TOPORS: variants seen among roughly 807,000 people sequenced by gnomAD.
The protein encoded by TOPORS is E3 ubiquitin-protein ligase Topors.
Under a neutral mutation model 81.4 loss-of-function variants are expected in TOPORS, and 25 were observed. That is an observed-to-expected ratio of 0.31 (90% CI 0.22 to 0.43). The LOEUF is 0.43. Ranked by LOEUF, TOPORS falls within the 20% of genes least tolerant of loss-of-function variation. The pLI, the probability that TOPORS is intolerant of heterozygous loss-of-function variation, is 1.00. For synonymous variants in TOPORS, 473 were observed against 456.6 expected, an observed-to-expected ratio of 1.04 and a Z score of -0.46; for missense variants, 1,101 against 1,267.0, an observed-to-expected ratio of 0.87 and a Z score of 1.99.
At chr9:32,548,627 A>G (rs1821175087) in intron 2 of TOPORS, among the ~76,000 whole-genome samples, 1 of 152,224 alleles carries the variant, frequency 6.6e-6, no homozygotes, top group Non-Finnish European at 1.5e-5. Context: ...ACAGTGCTTC[A>G]GGTTCTGTAA....
In TOPORS at chr9:32,552,451, G is replaced by A. The variant is rs1381709057; in HGVS notation, c.-15C>T. The A allele has an allele frequency of 2.5e-6, 4 of 1,604,686 alleles. No individual in the cohort carries two copies. The highest frequency in any genetic ancestry group is 3.4e-6 in the Non-Finnish European group (4 of 1,175,970). The stretch of plus-strand genomic sequence containing the variant: ...CTCCTTACCATGAAGCCAGTAAGTC[G>A]TCGCACGCTGGACTGGATTTATTCA... On this transcript the variant is annotated 5_prime_UTR_variant, in exon 1 of 3. The change creates a new upstream start codon in the 5' untranslated region. Transcript: ENST00000360538.
intron 2 of TOPORS, among the ~76,000 whole-genome samples, chr9:32,547,912 AGCTC>A (rs1247523096): frequency 6.6e-6 from 1 of 151,630 alleles, no homozygotes; most frequent in East Asian, 1.9e-4. Context: ...GCTCACTGCA[AGCTC>A]CGCCTCCCGG....
intron 2 of TOPORS, among the ~76,000 whole-genome samples, chr9:32,549,135 G>A (rs1156908582): frequency 1.3e-5 from 2 of 151,976 alleles, no homozygotes; most frequent in Admixed American, 6.6e-5. Context: ...CGGTGAAACC[G>A]TCTCTACTAA....
intron 2 of TOPORS, among the ~76,000 whole-genome samples, chr9:32,547,062 C>T (rs1821149658): frequency 1.3e-5 from 2 of 152,106 alleles, no homozygotes; most frequent in East Asian, 1.9e-4. Flanking sequence ...AACAAACAAA[C>T]AGTCTTCATC....
chr9:32,552,126 T>C (rs1465655441), intron 1 of TOPORS: 3 of 566,004 alleles, frequency 5.3e-6, no homozygotes, highest in Admixed American at 6.3e-5. Context: ...AATATTGCAT[T>C]GCAACTAGAA....
rs187248615 is a variant in TOPORS, at chr9:32,547,728, G to A, written c.198+3046C>T. ...GGTTTATTTCTGGGGTGATGAAAACGTTCTACAATTAATTATTGTGATGGT... is the reference window on the plus strand; with the variant it reads ...GGTTTATTTCTGGGGTGATGAAAACATTCTACAATTAATTATTGTGATGGT... On this transcript the variant is annotated intron_variant, in intron 2 of 2. Transcript: ENST00000360538. Among the ~76,000 whole-genome samples the A allele has an allele frequency of 3.9e-4, 60 of 152,292 alleles. 2 individuals are homozygous for A. Among genetic ancestry groups the A allele is most frequent in the Admixed American group, 3.7e-3 (57 of 15,304 alleles).
In TOPORS at chr9:32,543,331, C is replaced by T. The variant is rs747437233; in HGVS notation, c.1194G>A (p.Glu398=). The change falls in exon 3 of 3, where the codon GAG becomes GAA. Residue 398 remains glutamate (E), a synonymous_variant. Coordinates refer to ENST00000360538, the MANE Select transcript of TOPORS (RefSeq NM_005802.5). This position sits in a 1 kb window ranked among gnomAD's most constrained non-coding sequence, Gnocchi z 5.6. ...DSSVITISPD[E]AETQELDINV... is the part of the protein sequence containing the mutation. ...TAATATCCAGCTCTTGGGTCTCAGC[C>T]TCATCTGGAGATATTGTTATGACTG... 3.7e-6 allele frequency: 6 copies of T among 1,613,978 alleles called. No individual in the cohort carries two copies. The highest frequency in any genetic ancestry group is 3.3e-5 in the Admixed American group (2 of 59,996).
chr9:32,542,385 C>A lies in TOPORS; in HGVS notation c.2140G>T (p.Asp714Tyr). 1 of 1,614,006 alleles carries A rather than the reference C, an allele frequency of 6.2e-7. No homozygotes were observed. The highest frequency in any genetic ancestry group is 8.5e-7 in the Non-Finnish European group (1 of 1,180,004). Residue 714 changes from aspartate to tyrosine, a missense_variant, in exon 3 of 3, where the codon GAT becomes TAT. Around this residue, in one of 9 missense-constraint regions of TOPORS, gnomAD observed 605 missense variants for 636.1 expected, o/e 0.95. Transcript: ENST00000360538. ...YTYYSRNKDR[D>Y]GYESSYRRRT... ...CTCCTGTAAGATGATTCGTACCCAT[C>A]CCTGTCCTTGTTTCTACTGTAATAA...
In TOPORS at chr9:32,541,272, GT is replaced by G. The variant is rs1326214933; in HGVS notation, c.*114del. 7 of 1,027,196 alleles carry G rather than the reference GT, an allele frequency of 6.8e-6. No homozygotes were observed. The East Asian group carries it at 1.8e-4, about 27-fold the overall frequency. The allele number at this position is 1,027,196 out of a possible 1,614,324, so 63.6% of individuals were successfully genotyped here. A position where few individuals can be genotyped will look rare whatever the true frequency, so the allele number is the denominator to read the frequency against. On this transcript the variant is annotated 3_prime_UTR_variant, in exon 3 of 3. Transcript: ENST00000360538. ...CAAAAAAAAAATCATTTAAAATATT[GT>G]AAGGAGGAAGAGAGTTTTCACCAAA...
Position 32,544,302 on chromosome 9 carries a change from A to G in TOPORS, c.223T>C (p.Phe75Leu), listed in dbSNP as rs1821114318. ...SEIMASAAKE[F>L]KMDNFSPKAG... Reference sequence around the variant, plus strand: ...TTAGGTGAAAAGTTGTCCATTTTAAATTCCTTAGCAGCTGATGCCATTATC... The same window carrying G: ...TTAGGTGAAAAGTTGTCCATTTTAAGTTCCTTAGCAGCTGATGCCATTATC... Residue 75 changes from phenylalanine to leucine, a missense_variant, in exon 3 of 3, where the codon TTT (phenylalanine) becomes CTT (leucine). By Grantham distance (22) the Phe-to-Leu change is conservative. This residue lies in a region of TOPORS where 48 missense variants were observed against 73.3 expected (regional missense o/e 0.65). Transcript: ENST00000360538. The G allele has an allele frequency of 6.2e-7, 1 of 1,601,528 alleles. No individual in the cohort carries two copies. The highest frequency in any genetic ancestry group is 8.5e-7 in the Non-Finnish European group (1 of 1,179,966).
Position 32,552,440 on chromosome 9 carries a change from G to T in TOPORS, c.-4C>A. 6.2e-7 allele frequency: 1 copy of T among 1,608,218 alleles called. No individual in the cohort carries two copies. Among genetic ancestry groups the T allele is most frequent in the Non-Finnish European group, 8.5e-7 (1 of 1,177,646 alleles). ...ACTGCTGCCGCCTCCTTACCATGAAGCCAGTAAGTCGTCGCACGCTGGACT... is the reference window on the plus strand; with the variant it reads ...ACTGCTGCCGCCTCCTTACCATGAATCCAGTAAGTCGTCGCACGCTGGACT... On this transcript the variant is annotated 5_prime_UTR_variant, in exon 1 of 3. Coordinates refer to ENST00000360538, the MANE Select transcript of TOPORS (RefSeq NM_005802.5).
rs754899016 is a variant in TOPORS at position 32,550,759 on chromosome 9, C to T, written c.198+15G>A. The T allele has an allele frequency of 1.9e-6, 3 of 1,612,760 alleles. No individual in the cohort carries two copies. The highest frequency in any genetic ancestry group is 8.5e-7 in the Non-Finnish European group (1 of 1,179,630). On this transcript the variant is annotated intron_variant, in intron 2 of 2. Coordinates refer to ENST00000360538, the MANE Select transcript of TOPORS (RefSeq NM_005802.5). ...CTTCCGACCCCCGCGTCCCATTGTT[C>T]CGAATCTCACTCACCTCGGAGGATG...
At chr9:32,552,220 C>T in intron 1 of TOPORS, 1 of 622,230 alleles carries the variant, frequency 1.6e-6, no homozygotes, top group East Asian at 2.8e-5. Flanking sequence ...CTCGTTTATT[C>T]CCCTCTCTAA....
rs748187522 is a variant in TOPORS at position 32,541,824 on chromosome 9, C to G, written c.2701G>C (p.Ala901Pro). The stretch of plus-strand genomic sequence containing the variant: ...GTAATTACAACTGGGGAACGTGAAG[C>G]ATTATCTCCATGGTGTTTCTTATGC... ...KKHKKHHGDN[A>P]SRSPVVITID... The change falls in exon 3 of 3, where the codon GCT (alanine) becomes CCT (proline). Residue 901 changes from alanine (A) to proline (P), a missense_variant. By Grantham distance (27) the Ala-to-Pro change is conservative. Around this residue, in one of 9 missense-constraint regions of TOPORS, gnomAD observed 605 missense variants for 636.1 expected, o/e 0.95. Coordinates refer to ENST00000360538, the MANE Select transcript of TOPORS (RefSeq NM_005802.5). 3.1e-6 allele frequency: 5 copies of G among 1,614,042 alleles called. No homozygotes were observed. Among genetic ancestry groups the G allele is most frequent in the African/African-American group, 2.7e-5 (2 of 74,922 alleles).
Position 32,540,633 on chromosome 9 carries a change from GAAAAT to G in TOPORS, c.*749_*753del, listed in dbSNP as rs1165252687. 6.6e-6 allele frequency: 1 copy of G among 152,276 alleles called. No homozygotes were observed. The highest frequency in any genetic ancestry group is 2.4e-5 in the African/African-American group (1 of 41,340). 9.4% of individuals were successfully genotyped at this position (152,276 alleles called of 1,614,324 possible). Reference sequence around the variant, plus strand: ...AAATAAGATACTCCTCAAAATCAAAGAAAATAATTAAAACTATAAAGTATTTGTTC... The same window carrying G: ...AAATAAGATACTCCTCAAAATCAAAGAATTAAAACTATAAAGTATTTGTTC... On this transcript the variant is annotated 3_prime_UTR_variant, in exon 3 of 3. Coordinates refer to ENST00000360538, the MANE Select transcript of TOPORS (RefSeq NM_005802.5).
chr9:32,551,291 A>C, intron 1 of TOPORS: 1 of 496,804 alleles, frequency 2.0e-6, no homozygotes. Flanking sequence ...ACCTTACCAA[A>C]CTCTGCGGAA....
Position 32,542,617 on chromosome 9 carries a change from T to C in TOPORS, c.1908A>G (p.Arg636=). ...SKRSRSRESS[R]PRGRRDKKRS... The stretch of plus-strand genomic sequence containing the variant: ...TCTTTTTGTCTCTTCTCCCTCTAGG[T>C]CTGCTACTTTCCCTGCTTCTGGATC... Residue 636 remains arginine, a synonymous_variant, in exon 3 of 3, where the codon AGA becomes AGG. Coordinates refer to ENST00000360538, the MANE Select transcript of TOPORS (RefSeq NM_005802.5). The C allele has an allele frequency of 6.2e-7, 1 of 1,614,118 alleles. No homozygotes were observed. The highest frequency in any genetic ancestry group is 1.1e-5 in the South Asian group (1 of 91,076).
rs1332808511 is a variant in TOPORS, at chr9:32,552,458, G to A, written c.-22C>T. The A allele has an allele frequency of 5.6e-6, 9 of 1,602,798 alleles. No homozygotes were observed. The East Asian group carries it at 2.0e-4, about 36-fold the overall frequency. The stretch of plus-strand genomic sequence containing the variant: ...CCATGAAGCCAGTAAGTCGTCGCAC[G>A]CTGGACTGGATTTATTCAGTGGTAA... On this transcript the variant is annotated 5_prime_UTR_variant, in exon 1 of 3. Coordinates refer to ENST00000360538, the MANE Select transcript of TOPORS (RefSeq NM_005802.5).
chr9:32,541,372 A>C lies in TOPORS; in HGVS notation c.*15T>G, dbSNP rs765151939. ...TTTATAACATCATAATTCTCAATGA[A>C]ATGCTTTGGCAGTTTTAAGACATAT... On this transcript the variant is annotated 3_prime_UTR_variant, in exon 3 of 3. Coordinates refer to ENST00000360538, the MANE Select transcript of TOPORS (RefSeq NM_005802.5). 2.5e-5 allele frequency: 41 copies of C among 1,613,446 alleles called. No homozygotes were observed. Among genetic ancestry groups the C allele is most frequent in the Non-Finnish European group, 3.2e-5 (38 of 1,179,534 alleles).
Sources: allele counts gnomAD v4.1 joint callset (sites outside exome capture counted in the v4.1 genomes callset), GRCh38; gene constraint gnomAD v4.1.1; regional missense constraint gnomAD v4.1.1; non-coding constraint Gnocchi (gnomAD v3.1); transcripts MANE v1.5; gene names NCBI Gene and HGNC (gene_info 2026-07-23, HGNC 2026-07-21).